Variants in MLKL observed in about 807,000 individuals in gnomAD.
MLKL encodes the protein mixed lineage kinase domain like pseudokinase.
MLKL carries 55 observed loss-of-function variants against 56.5 expected under a neutral mutation model. The ratio of observed to expected loss-of-function variants is 0.97; its 90% confidence interval spans 0.78 to 1.22. The LOEUF (loss-of-function observed/expected upper bound fraction) is 1.22. Ranked by LOEUF, MLKL falls within the 50% of genes most tolerant of loss-of-function variation. The pLI is 0.00. For synonymous variants in MLKL, 251 were observed against 208.3 expected, an observed-to-expected ratio of 1.20 and a Z score of -1.76; for missense variants, 694 against 573.9, an observed-to-expected ratio of 1.21 and a Z score of -2.14.
chr16:74,678,912 C>T lies in MLKL; in HGVS notation c.1025G>A (p.Gly342Asp), dbSNP rs775863416. ...IRSSNFLVTQ[G>D]YQVKLAGFEL... The stretch of plus-strand genomic sequence containing the variant: ...AGGCACACTCACCTTCACTTGGTAG[C>T]CTTGAGTTACCAGGAAGTTTGAGCT... The change falls in exon 7 of 11, where the codon GGC (glycine) becomes GAC (aspartate). Residue 342 changes from glycine (G) to aspartate (D), a missense_variant. Coordinates refer to ENST00000308807, the MANE Select transcript of MLKL (RefSeq NM_152649.4). 15 of 1,614,000 alleles carry T rather than the reference C, an allele frequency of 9.3e-6. No individual in the cohort carries two copies. The Admixed American group carries it at 1.8e-4, about 20-fold the overall frequency.
At chr16:74,675,216 C>T (rs980307661) in intron 9 of MLKL, 116 bp from the exon 10 acceptor site, 19 of 1,550,792 alleles carry the variant, frequency 1.2e-5, no homozygotes, top group Middle Eastern at 1.8e-4. Flanking sequence ...ACAAGAACTT[C>T]CAACGATTCC....
At chr16:74,700,199 A>C (rs1020057805) in intron 1 of MLKL, among the ~76,000 whole-genome samples, 1 of 151,866 alleles carries the variant, frequency 6.6e-6, no homozygotes, top group Non-Finnish European at 1.5e-5. Context: ...TTCTGAGAAG[A>C]CATCAGGTAA....
intron 6 of MLKL, among the ~76,000 whole-genome samples, chr16:74,681,124 A>T (rs368262964): frequency 3.3e-5 from 5 of 152,232 alleles, no homozygotes; most frequent in African/African-American, 1.2e-4. Context: ...TCCTGGGTTC[A>T]AGTGATTCTT....
intron 10 of MLKL, among the ~76,000 whole-genome samples, chr16:74,673,968 A>AAAG (rs968481758): frequency 3.3e-5 from 5 of 151,540 alleles, no homozygotes; most frequent in African/African-American, 1.2e-4. Context: ...AAAAAAAAAA[A>AAAG]AAAACCATAA....
At chr16:74,678,607 AC>A (rs1267460733) in intron 7 of MLKL, among the ~76,000 whole-genome samples, 1 of 152,144 alleles carries the variant, frequency 6.6e-6, no homozygotes, top group African/African-American at 2.4e-5. Flanking sequence ...ACATGGTGAA[AC>A]CCTGTCTCTA....
Position 74,678,884 on chromosome 16 carries a change from G to A in MLKL, c.1038+15C>T, listed in dbSNP as rs567087954. On this transcript the variant is annotated intron_variant, in intron 7 of 10. Transcript: ENST00000308807. The stretch of plus-strand genomic sequence containing the variant: ...TGCAGGTTTGACCCAAAGCGCCCCC[G>A]CAAGGCACACTCACCTTCACTTGGT... 4.1e-5 allele frequency: 66 copies of A among 1,611,906 alleles called. No homozygotes were observed. Among genetic ancestry groups the A allele is most frequent in the East Asian group, 6.7e-5 (3 of 44,886 alleles).
At chr16:74,683,614 CTT>C (rs1960132718) in intron 5 of MLKL, among the ~76,000 whole-genome samples, 1 of 148,750 alleles carries the variant, frequency 6.7e-6, no homozygotes, top group Non-Finnish European at 1.5e-5. Context: ...AAAAAAAATT[CTT>C]TTTCTTTTTC....
intron 7 of MLKL, chr16:74,676,497 T>G (rs1959603184): frequency 1.0e-6 from 1 of 982,184 alleles, no homozygotes; most frequent in South Asian, 4.7e-5. Flanking sequence ...CATTCATTCA[T>G]TTGCTCACAC....
At chr16:74,673,299 C>A (rs530176997) in intron 10 of MLKL, among the ~76,000 whole-genome samples, 4 of 152,294 alleles carry the variant, frequency 2.6e-5, no homozygotes, top group South Asian at 4.1e-4. Flanking sequence ...CTCACTGCAA[C>A]CTTTGCCTCT....
In MLKL at chr16:74,691,413, T is replaced by A; in HGVS notation, c.586A>T (p.Ile196Phe). 1 of 1,614,058 alleles carries A rather than the reference T, an allele frequency of 6.2e-7. No homozygotes were observed. Among genetic ancestry groups the A allele is most frequent in the Non-Finnish European group, 8.5e-7 (1 of 1,180,000 alleles). ...QEIPQEQIKE[I>F]KKEQLSGSPW... ...GATCCTGAAAGCTGCTCCTTCTTGA[T>A]CTCCTTGATTTGCTCTTGCGGGATC... Residue 196 changes from isoleucine to phenylalanine, a missense_variant, in exon 4 of 11, where the codon ATC becomes TTC. Ile to Phe is a conservative substitution (Grantham distance 21, BLOSUM62 0). Transcript: ENST00000308807.
In MLKL at chr16:74,682,631, GC is replaced by G. The variant is rs1960052703; in HGVS notation, c.956+19del. The G allele has an allele frequency of 6.2e-7, 1 of 1,612,976 alleles. No individual in the cohort carries two copies. The highest frequency in any genetic ancestry group is 8.5e-7 in the Non-Finnish European group (1 of 1,179,752). The stretch of plus-strand genomic sequence containing the variant: ...ACAGACCCATCCAACCCTTAGTGGC[GC>G]CTTTTCACCCCGTCTTACCGGTATA... On this transcript the variant is annotated intron_variant, in intron 6 of 10. Transcript: ENST00000308807.
At chr16:74,684,661 A>T (rs1960219659) in intron 5 of MLKL, among the ~76,000 whole-genome samples, 1 of 150,396 alleles carries the variant, frequency 6.6e-6, no homozygotes, top group South Asian at 2.1e-4. Context: ...CATCCGGCTA[A>T]TTTTTTGTAT....
chr16:74,687,214 G>A (rs1960385483), intron 4 of MLKL, among the ~76,000 whole-genome samples: 1 of 151,964 alleles, frequency 6.6e-6, no homozygotes, highest in Non-Finnish European at 1.5e-5. Flanking sequence ...GACCTCAGGT[G>A]ATCCTCCTGC....
Position 74,675,668 on chromosome 16 carries a change from G to T in MLKL, c.1135C>A (p.Pro379Thr). 2 of 1,614,034 alleles carry T rather than the reference G, an allele frequency of 1.2e-6. No homozygotes were observed. Among genetic ancestry groups the T allele is most frequent in the Non-Finnish European group, 1.7e-6 (2 of 1,179,986 alleles). Residue 379 changes from proline (P) to threonine (T), a missense_variant, in exon 8 of 11, where the codon CCT becomes ACT. By Grantham distance (38) the Pro-to-Thr change is conservative. Coordinates refer to ENST00000308807, the MANE Select transcript of MLKL (RefSeq NM_152649.4). The part of the protein sequence containing the change: ...DRVKSTAYLS[P>T]QELEDVFYQY... ...TAAAATACATCTTCCAGTTCCTGAG[G>T]TGAGAGATATGCTGTAGATTTGACT...
In MLKL at chr16:74,685,577, C is replaced by A; in HGVS notation, c.729G>T (p.Val243=). The change falls in exon 5 of 11, where the codon GTG becomes GTT. Residue 243 remains valine (V), a synonymous_variant. Transcript: ENST00000308807. ...KKLQAGSIAI[V]RQTFNKEIKT... Reference sequence around the variant, plus strand: ...TGATCTCCTTATTGAAAGTCTGCCTCACTATTCTATAAGGATTAAAGAGAG... The same window carrying A: ...TGATCTCCTTATTGAAAGTCTGCCTAACTATTCTATAAGGATTAAAGAGAG... 1 of 1,611,424 alleles carries A rather than the reference C, an allele frequency of 6.2e-7. No homozygotes were observed. The highest frequency in any genetic ancestry group is 8.5e-7 in the Non-Finnish European group (1 of 1,177,656).
intron 4 of MLKL, among the ~76,000 whole-genome samples, chr16:74,687,959 G>A (rs946445727): frequency 2.6e-5 from 4 of 152,132 alleles, no homozygotes; most frequent in Non-Finnish European, 4.4e-5. Context: ...CTGAGTAGCT[G>A]GGACTACAGG....
chr16:74,696,060 C>G lies in MLKL; in HGVS notation c.-2-301G>C, dbSNP rs554711603. 3.9e-5 allele frequency among the ~76,000 whole-genome samples: 6 copies of G among 152,304 alleles called. No homozygotes were observed. The East Asian group carries it at 1.2e-3, about 29-fold the overall frequency. ...GTTTAAGTGCATGTGACCTGCTCTA[C>G]TTCGGACTGGGGCAGCTGTGCCGCC... On this transcript the variant is annotated intron_variant, in intron 1 of 10. Coordinates refer to ENST00000308807, the MANE Select transcript of MLKL (RefSeq NM_152649.4).
chr16:74,696,231 TGATC>T (rs1261679966), intron 1 of MLKL, among the ~76,000 whole-genome samples: 2 of 152,138 alleles, frequency 1.3e-5, no homozygotes, highest in Non-Finnish European at 2.9e-5. Flanking sequence ...GACTGTTAAG[TGATC>T]AAGGAATAAA....
chr16:74,695,803 G>T (rs753866549), intron 1 of MLKL, 44 bp from the exon 2 acceptor site: 2 of 1,488,048 alleles, frequency 1.3e-6, no homozygotes, highest in Non-Finnish European at 1.8e-6. Context: ...CAAATCTCCT[G>T]CATATTCACT....
Sources: allele counts gnomAD v4.1 joint callset (sites outside exome capture counted in the v4.1 genomes callset), GRCh38; gene constraint gnomAD v4.1.1; transcripts MANE v1.5; gene names NCBI Gene and HGNC (gene_info 2026-07-23, HGNC 2026-07-21).